CSF2RA: variants seen among roughly 807,000 people sequenced by gnomAD.
CSF2RA encodes granulocyte-macrophage colony-stimulating factor receptor subunit alpha.
In CSF2RA, 42 loss-of-function variants were observed where a neutral mutation model predicts 51.6. The observed-to-expected ratio is 0.81, with a 90% confidence interval of 0.64 to 1.05. The LOEUF is 1.05. Among genes scored for constraint, CSF2RA ranks in the 50% least tolerant of loss-of-function variants. CSF2RA has a pLI of 0.00. For synonymous variants in CSF2RA, 222 were observed against 193.0 expected, an observed-to-expected ratio of 1.15 and a Z score of -1.24; for missense variants, 530 against 501.1, an observed-to-expected ratio of 1.06 and a Z score of -0.55.
At chrX:1,320,996 C>T in the CSF2RA span, among the ~76,000 whole-genome samples, 1 of 151,882 alleles carries the variant, frequency 6.6e-6, no homozygotes, top group Non-Finnish European at 1.5e-5. Context: ...GACGCCACCA[C>T]GTCTAGCTAA....
intron 12 of CSF2RA, among the ~76,000 whole-genome samples, chrX:1,306,863 G>T (rs774818780): frequency 9.9e-6 from 1 of 100,662 alleles, no homozygotes; most frequent in Non-Finnish European, 2.3e-5. Flanking sequence ...ACAGAGAGGG[G>T]AGAGAGAGAG....
At chrX:1,274,640 T>A in intron 1 of CSF2RA, 115 bp from the exon 2 acceptor site, 1 of 439,084 alleles carries the variant, frequency 2.3e-6, no homozygotes, top group Admixed American at 2.5e-5. Flanking sequence ...ATGTAATTTT[T>A]AAAACCTTTG....
intron 1 of CSF2RA, among the ~76,000 whole-genome samples, chrX:1,269,646 AGAGAT>A (rs772495194): frequency 0.38 from 21,384 of 56,746 alleles, 2,049 homozygotes; most frequent in Middle Eastern, 0.5. Flanking sequence ...AGAAAAAAAA[AGAGAT>A]GAAAAGAGAT....
chrX:1,316,059 A>AATAGATAGATAGATAGATAGGTAG, the CSF2RA span, among the ~76,000 whole-genome samples: 1 of 149,036 alleles, frequency 6.7e-6, no homozygotes, highest in Non-Finnish European at 1.5e-5. Context: ...TAGATAGATC[A>AATAGATAGATAGATAGATAGGTAG]ATAGATAGAT....
At chrX:1,317,542 C>G in the CSF2RA span, among the ~76,000 whole-genome samples, 159 of 149,434 alleles carry the variant, frequency 1.1e-3, no homozygotes, top group Admixed American at 2.4e-3. Context: ...TGAGCCACCA[C>G]GCCCAGCTTT....
chrX:1,313,627 G>C (rs1200834889), downstream of CSF2RA, among the ~76,000 whole-genome samples: 2 of 146,918 alleles, frequency 1.4e-5, no homozygotes, highest in East Asian at 4.0e-4. Context: ...CAGGAGAATC[G>C]CTTGAACCCA....
At chrX:1,315,812 TAGA>T in the CSF2RA span, among the ~76,000 whole-genome samples, 5 of 137,006 alleles carry the variant, frequency 3.6e-5, no homozygotes, top group South Asian at 1.2e-3. Context: ...GATAGATAGA[TAGA>T]TAGATTAGAT....
chrX:1,317,246 C>CTTTTTTTTTTTT, the CSF2RA span, among the ~76,000 whole-genome samples: 3 of 57,836 alleles, frequency 5.2e-5, no homozygotes, highest in Non-Finnish European at 8.6e-5. Flanking sequence ...CCACGCTCAG[C>CTTTTTTTTTTTT]TTTTTTTTTT....
At chrX:1,321,537 T>G in the CSF2RA span, among the ~76,000 whole-genome samples, 16,134 of 147,316 alleles carry the variant, frequency 0.11, 1,147 homozygotes, top group East Asian at 0.23. Context: ...GTCGTGCCAC[T>G]GCACTCCAGC....
At chrX:1,281,363 CCTCCTCCTT>C (rs1172069057) in intron 2 of CSF2RA, among the ~76,000 whole-genome samples, 1 of 133,136 alleles carries the variant, frequency 7.5e-6, no homozygotes, top group African/African-American at 2.9e-5. Context: ...TCCTTCTCCT[CCTCCTCCTT>C]CTCCTCCTCC....
Position 1,292,973 on chromosome X carries a change from G to C in CSF2RA, c.647-1355G>C, listed in dbSNP as rs182481086. Among the ~76,000 whole-genome samples, 392 of 152,216 alleles carry C rather than the reference G, an allele frequency of 2.6e-3. 4 individuals carry two copies. The highest frequency in any genetic ancestry group is 8.8e-3 in the African/African-American group (366 of 41,512). On this transcript the variant is annotated intron_variant, in intron 7 of 12. Transcript: ENST00000381529. ...CGGGCAGAGGTCCCTGCGGCTTTCC[G>C]CAGTGCATGGTGTCCCTGGTTAATA...
chrX:1,323,899 A>C, the CSF2RA span, among the ~76,000 whole-genome samples: 3 of 151,990 alleles, frequency 2.0e-5, no homozygotes, highest in East Asian at 5.8e-4. Flanking sequence ...CTGTAGTCCC[A>C]GCTACTCGGG....
the CSF2RA span, among the ~76,000 whole-genome samples, chrX:1,317,480 A>T: frequency 6.7e-5 from 8 of 120,238 alleles, no homozygotes; most frequent in African/African-American, 1.9e-4. Context: ...CGAACTCCTG[A>T]CCTCAGGTGA....
At chrX:1,274,987 C>T (rs1462529687) in intron 2 of CSF2RA, 169 bp downstream of exon 2, 1 of 383,766 alleles carries the variant, frequency 2.6e-6, no homozygotes, top group East Asian at 7.2e-5. Context: ...ACAAATTTAA[C>T]ATGTCACGTT....
At chrX:1,305,792 TAG>T in intron 12 of CSF2RA, 1 of 1,550,430 alleles carries the variant, frequency 6.4e-7, no homozygotes, top group Non-Finnish European at 8.7e-7. Context: ...GAGAAGACGG[TAG>T]AGAGGGCCAG....
chrX:1,299,282 T>G (rs2092217256), intron 9 of CSF2RA, among the ~76,000 whole-genome samples: 1 of 152,222 alleles, frequency 6.6e-6, no homozygotes, highest in Non-Finnish European at 1.5e-5. Flanking sequence ...TGCCGGGTAT[T>G]TACCAAGTCT....
chrX:1,321,757 G>A, the CSF2RA span, among the ~76,000 whole-genome samples: 3,347 of 152,228 alleles, frequency 0.022, 132 homozygotes, highest in African/African-American at 0.076. Context: ...CTTCTTCAGC[G>A]TAGCTGAGAA....
intron 3 of CSF2RA, 102 bp downstream of exon 3, chrX:1,282,881 T>A: frequency 1.9e-6 from 2 of 1,028,990 alleles, no homozygotes; most frequent in Non-Finnish European, 1.5e-6. Context: ...ATTTCATCTC[T>A]AATGTTTATG....
At chrX:1,280,486 A>AG in intron 2 of CSF2RA, among the ~76,000 whole-genome samples, 2 of 147,362 alleles carry the variant, frequency 1.4e-5, no homozygotes, top group Admixed American at 1.4e-4. Flanking sequence ...AAAAAAAAAA[A>AG]AAAAGAAGAA....
Sources: allele counts gnomAD v4.1 joint callset (sites outside exome capture counted in the v4.1 genomes callset), GRCh38; gene constraint gnomAD v4.1.1; transcripts MANE v1.5; gene names NCBI Gene and HGNC (gene_info 2026-07-23, HGNC 2026-07-21).